The following KAZN variants were observed in gnomAD, a reference collection of about 807,000 sequenced individuals.
The protein encoded by KAZN is kazrin, periplakin interacting protein.
Under a neutral mutation model 87.4 loss-of-function variants are expected in KAZN, and 40 were observed. The ratio of observed to expected loss-of-function variants is 0.46; its 90% CI spans 0.36 to 0.60. The LOEUF (loss-of-function observed/expected upper bound fraction) is 0.60. Among genes scored for constraint, KAZN ranks in the 20% least tolerant of loss-of-function variants. The probability of loss-of-function intolerance (pLI) is 0.00; values close to 1 mark genes in which losing one functional copy is unlikely to be tolerated. For synonymous variants in KAZN, 466 were observed against 458.3 expected (o/e 1.02, Z -0.22); for missense variants, 898 against 1,073.9 (o/e 0.84, Z 2.29).
chr1:14,749,360 T>A (rs992472107), intron 1 of KAZN, among the ~76,000 whole-genome samples: 2 of 152,234 alleles, frequency 1.3e-5, no homozygotes, highest in African/African-American at 4.8e-5. Flanking sequence ...TAAGATTTCT[T>A]TTTAAAATTC....
At chr1:14,350,693 C>A (rs575044789) in intron 2 of KAZN, among the ~76,000 whole-genome samples, 1 of 152,332 alleles carries the variant, frequency 6.6e-6, no homozygotes, top group East Asian at 1.9e-4. Flanking sequence ...CCTAGGTGGT[C>A]TAATGCAGTG....
chr1:14,709,771 G>A (rs2148818852), intron 1 of KAZN, among the ~76,000 whole-genome samples: 1 of 152,314 alleles, frequency 6.6e-6, no homozygotes, highest in Middle Eastern at 3.4e-3. Flanking sequence ...AATGACACCT[G>A]AGGTCAGCAG....
chr1:14,576,797 A>C (rs973408972), intron 2 of KAZN, among the ~76,000 whole-genome samples: 5 of 149,958 alleles, frequency 3.3e-5, no homozygotes, highest in Admixed American at 6.6e-5. Flanking sequence ...CGTTACCAAA[A>C]AAAAAGGAAA....
intron 1 of KAZN, among the ~76,000 whole-genome samples, chr1:14,732,611 C>G (rs1239857967): frequency 6.6e-6 from 1 of 152,108 alleles, no homozygotes; most frequent in Non-Finnish European, 1.5e-5. Flanking sequence ...TACACTCCAG[C>G]CTGGGTGACA....
At position 14,230,177 on chromosome 1, in the gene KAZN, A is replaced by T. The variant is rs1647679290; in HGVS notation, c.249+49585A>T. The stretch of plus-strand genomic sequence containing the variant: ...TACCTTATTGCCTGAGCAGTTCTAG[A>T]GCCTCCAGGGATTTTGTGCAAAACA... On this transcript the variant is annotated intron_variant, in intron 2 of 16. Transcript: ENST00000636203. Among the ~76,000 whole-genome samples the T allele has an allele frequency of 9.2e-5, 14 of 152,372 alleles. 1 individual carries two copies. The South Asian group carries it at 2.9e-3, about 32-fold the overall frequency.
chr1:13,960,998 A>G (rs956213363), intron 1 of KAZN, among the ~76,000 whole-genome samples: 3 of 152,158 alleles, frequency 2.0e-5, no homozygotes, highest in Non-Finnish European at 4.4e-5. Context: ...TTGAGCATCT[A>G]CTGTATGCCA....
intron 2 of KAZN, among the ~76,000 whole-genome samples, chr1:14,524,830 G>C (rs1671779911): frequency 6.6e-6 from 1 of 152,226 alleles, no homozygotes; most frequent in Non-Finnish European, 1.5e-5. Context: ...TTCGTGATGA[G>C]AACAGGTTCT....
intron 1 of KAZN, among the ~76,000 whole-genome samples, chr1:14,059,884 G>A (rs1642719818): frequency 1.3e-5 from 2 of 152,138 alleles, no homozygotes; most frequent in Admixed American, 1.3e-4. Flanking sequence ...GGTCACAATG[G>A]CCTAGACTAT....
intron 1 of KAZN, among the ~76,000 whole-genome samples, chr1:13,952,570 T>C (rs1035462368): frequency 1.3e-5 from 2 of 152,050 alleles, no homozygotes; most frequent in Non-Finnish European, 2.9e-5. Flanking sequence ...TGGTTACTTC[T>C]TGGGCCCTGT....
chr1:15,067,457 C>T (rs1195924678), intron 8 of KAZN: 1 of 985,344 alleles, frequency 1.0e-6, no homozygotes, highest in African/African-American at 1.7e-5. Flanking sequence ...AGCTGTTCAG[C>T]AAGGTCTGCC....
At chr1:15,027,828 G>A (rs1205504087) in intron 2 of KAZN, among the ~76,000 whole-genome samples, 1 of 151,864 alleles carries the variant, frequency 6.6e-6, no homozygotes, top group Non-Finnish European at 1.5e-5. Context: ...CACAGTGGTT[G>A]TTTGTTTGTT....
chr1:14,216,895 A>G (rs1216707376), intron 2 of KAZN, among the ~76,000 whole-genome samples: 2 of 152,112 alleles, frequency 1.3e-5, no homozygotes, highest in East Asian at 3.9e-4. Flanking sequence ...CAAGAGTGGA[A>G]CTCTGTCTCA....
chr1:14,792,081 C>G (rs1645691995), intron 1 of KAZN, among the ~76,000 whole-genome samples: 1 of 152,176 alleles, frequency 6.6e-6, no homozygotes, highest in Admixed American at 6.5e-5. Flanking sequence ...CACAGGGCTG[C>G]CTGCTGATGT....
chr1:14,486,390 C>T (rs976082762), intron 2 of KAZN, among the ~76,000 whole-genome samples: 2 of 152,154 alleles, frequency 1.3e-5, no homozygotes, highest in African/African-American at 4.8e-5. Context: ...CTTAAGTCCT[C>T]ACCAACTGTG....
At chr1:14,230,670 A>C (rs1647733468) in intron 2 of KAZN, among the ~76,000 whole-genome samples, 1 of 151,824 alleles carries the variant, frequency 6.6e-6, no homozygotes, top group African/African-American at 2.4e-5. Context: ...TCCACATGTG[A>C]CTCCCCTGTA....
intron 1 of KAZN, among the ~76,000 whole-genome samples, chr1:14,087,846 T>C (rs920948983): frequency 6.6e-6 from 1 of 152,014 alleles, no homozygotes; most frequent in Non-Finnish European, 1.5e-5. Flanking sequence ...CTGAATTTCA[T>C]TTGCTAACAT....
intron 1 of KAZN, among the ~76,000 whole-genome samples, chr1:14,893,447 G>A (rs1220237257): frequency 6.6e-6 from 1 of 152,232 alleles, no homozygotes; most frequent in Admixed American, 6.5e-5. Flanking sequence ...GACCTGCTCA[G>A]AGAAGTAGGT....
intron 2 of KAZN, among the ~76,000 whole-genome samples, chr1:14,206,491 C>T (rs1646747943): frequency 6.6e-6 from 1 of 152,104 alleles, no homozygotes; most frequent in Non-Finnish European, 1.5e-5. Context: ...TGTAGCCTCC[C>T]TCTCTCTGAA....
At chr1:14,745,766 A>T (rs367805236) in intron 1 of KAZN, among the ~76,000 whole-genome samples, 2 of 152,322 alleles carry the variant, frequency 1.3e-5, no homozygotes, top group South Asian at 4.1e-4. Context: ...CTTCGTTTAG[A>T]CAAATGCAGT....
Sources: gnomAD v4.1 joint callset for allele counts (sites outside exome capture counted in the v4.1 genomes callset) on GRCh38, gnomAD v4.1.1 for gene constraint, MANE v1.5 for transcripts, NCBI Gene and HGNC (gene_info 2026-07-23, HGNC 2026-07-21) for gene names.